The following USP43 variants were observed in gnomAD, a reference collection of about 807,000 sequenced individuals.
USP43 encodes the protein ubiquitin specific peptidase 43, also known as ubiquitin carboxyl-terminal hydrolase 43.
USP43 carries 33 observed loss-of-function variants against 90.7 expected under a neutral mutation model. The observed-to-expected ratio is 0.36, with a 90% CI of 0.28 to 0.49. The LOEUF (loss-of-function observed/expected upper bound fraction) is 0.49, where lower values mean the gene tolerates loss of function less well. Ranked by LOEUF, USP43 falls within the 20% of genes least tolerant of loss-of-function variation. The pLI, the probability that USP43 is intolerant of heterozygous loss-of-function variation, is 0.98. For synonymous variants in USP43, 598 were observed against 615.8 expected (o/e 0.97, Z 0.43); for missense variants, 1,274 against 1,476.4 (o/e 0.86, Z 2.25).
intron 1 of USP43, 151 bp from the exon 2 acceptor site, chr17:9,656,252 G>T: frequency 9.5e-7 from 1 of 1,057,108 alleles, no homozygotes. Flanking sequence ...GGGCTTTGGC[G>T]TGAAAGAACA....
rs965390514 is a variant in USP43 at position 9,686,654 on chromosome 17, G to GT, written c.1242-136dup. On this transcript the variant is annotated intron_variant, in intron 7 of 14. Coordinates refer to ENST00000285199, the MANE Select transcript of USP43 (RefSeq NM_153210.5). The surrounding 1 kb of genome is among the most constrained non-coding windows in gnomAD (Gnocchi z 5.5). ...GCCCATTTTTAAATGGGATTCTTTG[G>GT]TTTTTTTTGCTGTTGAGTTTTTGTG... 1.2e-4 allele frequency: 80 copies of GT among 641,242 alleles called. No homozygotes were observed. The highest frequency in any genetic ancestry group is 4.1e-4 in the Middle Eastern group (1 of 2,416). 39.7% of individuals were successfully genotyped at this position (641,242 alleles called of 1,614,324 possible).
intron 2 of USP43, among the ~76,000 whole-genome samples, chr17:9,657,758 C>T (rs115380969): frequency 0.021 from 3,218 of 152,172 alleles, 106 homozygotes; most frequent in African/African-American, 0.073. Context: ...AAACTTCCTC[C>T]ATGATCCTAT....
At chr17:9,719,393 G>A (rs1354164587) in intron 14 of USP43, among the ~76,000 whole-genome samples, 1 of 152,194 alleles carries the variant, frequency 6.6e-6, no homozygotes, top group East Asian at 1.9e-4. Flanking sequence ...ACCCCTGAGA[G>A]GCCTGGGGGA....
Position 9,710,674 on chromosome 17 carries a change from A to C in USP43, c.2170+560A>C, listed in dbSNP as rs547959260. Among the ~76,000 whole-genome samples the C allele has an allele frequency of 1.4e-3, 218 of 151,756 alleles. 2 individuals carry two copies. The highest frequency in any genetic ancestry group is 0.01 in the Middle Eastern group (3 of 294). On this transcript the variant is annotated intron_variant, in intron 13 of 14. Coordinates refer to ENST00000285199, the MANE Select transcript of USP43 (RefSeq NM_153210.5). ...CACGTGCCACCACCATGCCCAGCTAATTTTTGTATTTTTAGCAGAGACGGG... is the reference window on the plus strand; with the variant it reads ...CACGTGCCACCACCATGCCCAGCTACTTTTTGTATTTTTAGCAGAGACGGG...
intron 7 of USP43, among the ~76,000 whole-genome samples, chr17:9,683,492 A>T (rs1282559650): frequency 6.6e-6 from 1 of 152,176 alleles, no homozygotes; most frequent in African/African-American, 2.4e-5. Context: ...ACTGGTAAAA[A>T]CAAAAAGATT....
intron 4 of USP43, 125 bp from the exon 5 acceptor site, chr17:9,676,621 T>C: frequency 8.0e-7 from 1 of 1,248,588 alleles, no homozygotes; most frequent in Non-Finnish European, 1.1e-6. Flanking sequence ...ATCCACCTGC[T>C]TCAGCCTCCC....
chr17:9,703,839 G>C (rs1426792289), intron 12 of USP43, among the ~76,000 whole-genome samples: 4 of 152,186 alleles, frequency 2.6e-5, no homozygotes, highest in African/African-American at 7.2e-5. Flanking sequence ...AGTGATTCCT[G>C]ATATGAACAA....
intron 12 of USP43, among the ~76,000 whole-genome samples, chr17:9,704,635 T>C (rs1380157337): frequency 6.6e-6 from 1 of 152,090 alleles, no homozygotes; most frequent in Non-Finnish European, 1.5e-5. Context: ...GGTTTCTTTT[T>C]CAGAGCATCC....
intron 3 of USP43, 110 bp downstream of exon 3, chr17:9,666,861 C>A: frequency 1.3e-6 from 1 of 785,146 alleles, no homozygotes; most frequent in Non-Finnish European, 2.2e-6. Context: ...AACAACAAAA[C>A]CACAAACACC....
At chr17:9,677,828 G>A (rs1913888409) in intron 5 of USP43, among the ~76,000 whole-genome samples, 1 of 152,150 alleles carries the variant, frequency 6.6e-6, no homozygotes, top group Non-Finnish European at 1.5e-5. Flanking sequence ...GAAGATTGTG[G>A]TTTGCTGGCT....
chr17:9,654,830 C>T (rs937527494), intron 1 of USP43, among the ~76,000 whole-genome samples: 2 of 151,562 alleles, frequency 1.3e-5, no homozygotes, highest in African/African-American at 2.4e-5. Context: ...CTCTACCTCC[C>T]GGGTTCAAGC....
intron 2 of USP43, among the ~76,000 whole-genome samples, chr17:9,663,178 C>G (rs916362290): frequency 3.3e-5 from 5 of 152,052 alleles, no homozygotes; most frequent in Non-Finnish European, 7.4e-5. Context: ...CAGACAGGTA[C>G]TGTCATTATC....
rs190534873 is a variant in USP43 at position 9,697,204 on chromosome 17, G to A, written c.1458-2968G>A. On this transcript the variant is annotated intron_variant, in intron 9 of 14. Coordinates refer to ENST00000285199, the MANE Select transcript of USP43 (RefSeq NM_153210.5). The stretch of plus-strand genomic sequence containing the variant: ...TGCACTCCAGCCTGGGCAACAGAGC[G>A]AGACTCTGTCTCAAAAATAAATAAA... Among the ~76,000 whole-genome samples, 1,202 of 152,130 alleles carry A rather than the reference G, an allele frequency of 7.9e-3. 7 individuals carry two copies. The highest frequency in any genetic ancestry group is 0.013 in the Non-Finnish European group (896 of 68,008).
intron 9 of USP43, among the ~76,000 whole-genome samples, 191 bp from the exon 10 acceptor site, chr17:9,699,981 C>T (rs532787654): frequency 2.0e-5 from 3 of 152,300 alleles, no homozygotes; most frequent in Non-Finnish European, 4.4e-5. Flanking sequence ...TGAGGTTGGT[C>T]TGAAGTTCTG....
intron 1 of USP43, among the ~76,000 whole-genome samples, chr17:9,654,319 T>C (rs1912079253): frequency 6.6e-6 from 1 of 152,178 alleles, no homozygotes; most frequent in East Asian, 1.9e-4. Flanking sequence ...CTAAATCTGG[T>C]AGCCCTACTT....
intron 5 of USP43, among the ~76,000 whole-genome samples, chr17:9,678,515 T>C (rs1434593227): frequency 6.6e-6 from 1 of 152,128 alleles, no homozygotes; most frequent in East Asian, 1.9e-4. Flanking sequence ...TAATTTTTTG[T>C]ATTTTTAGTA....
At chr17:9,651,174 G>GTTT (rs145339421) in intron 1 of USP43, among the ~76,000 whole-genome samples, 1 of 151,310 alleles carries the variant, frequency 6.6e-6, no homozygotes, top group African/African-American at 2.4e-5. Flanking sequence ...GCTGTTTGAT[G>GTTT]TTTTTTTTGT....
chr17:9,656,666 A>C, intron 2 of USP43, 132 bp downstream of exon 2: 1 of 1,189,764 alleles, frequency 8.4e-7, no homozygotes, highest in Non-Finnish European at 1.1e-6. Context: ...CTATATCCAC[A>C]GTCTGTTCCC....
At chr17:9,672,248 G>A (rs191534306) in intron 3 of USP43, among the ~76,000 whole-genome samples, 58 of 152,208 alleles carry the variant, frequency 3.8e-4, no homozygotes, top group Middle Eastern at 3.4e-3. Flanking sequence ...TGCCCACCTC[G>A]GCCTCCCGAA....
Sources: gnomAD v4.1 joint callset for allele counts (sites outside exome capture counted in the v4.1 genomes callset) on GRCh38, gnomAD v4.1.1 for gene constraint, Gnocchi (gnomAD v3.1) non-coding constraint, MANE v1.5 for transcripts, NCBI Gene and HGNC (gene_info 2026-07-23, HGNC 2026-07-21) for gene names.